PPARGC1A: variants seen among roughly 807,000 people sequenced by gnomAD.
PPARGC1A encodes the protein PPARG coactivator 1 alpha, also known as peroxisome proliferator-activated receptor gamma coactivator 1-alpha.
In PPARGC1A, 25 loss-of-function variants were observed where a neutral mutation model predicts 88.7. The ratio of observed to expected loss-of-function variants is 0.28; its 90% CI spans 0.21 to 0.39. The LOEUF (loss-of-function observed/expected upper bound fraction) is 0.39, where lower values mean the gene tolerates loss of function less well. Among genes scored for constraint, PPARGC1A ranks in the 10% least tolerant of loss-of-function variants. The probability of loss-of-function intolerance (pLI) is 1.00; values close to 1 mark genes in which losing one functional copy is unlikely to be tolerated. For synonymous variants in PPARGC1A, 363 were observed against 355.6 expected (o/e 1.02, Z -0.24); for missense variants, 880 against 968.7 (o/e 0.91, Z 1.22).
At chr4:23,903,377 T>C (rs1719646043), upstream of PPARGC1A, among the ~76,000 whole-genome samples, 1 of 152,200 alleles carries the variant, frequency 6.6e-6, no homozygotes, top group South Asian at 2.1e-4. Flanking sequence ...TTGCAGTCGG[T>C]GAAGATATTT....
chr4:24,198,702 G>A, the PPARGC1A span, among the ~76,000 whole-genome samples: 1 of 152,160 alleles, frequency 6.6e-6, no homozygotes, highest in Non-Finnish European at 1.5e-5. Context: ...TATTTGAGTT[G>A]TGGTTCAGGG....
the PPARGC1A span, among the ~76,000 whole-genome samples, chr4:24,123,921 AAAAAC>A: frequency 2.0e-5 from 3 of 151,422 alleles, no homozygotes; most frequent in African/African-American, 7.3e-5. Flanking sequence ...AAAAAAAAAA[AAAAAC>A]AAAAAAAACA....
chr4:24,380,586 A>T, the PPARGC1A span, among the ~76,000 whole-genome samples: 1 of 152,132 alleles, frequency 6.6e-6, no homozygotes, highest in Non-Finnish European at 1.5e-5. Flanking sequence ...TCTGACTTCA[A>T]CAAGCAGAGG....
chr4:23,839,333 A>G (rs1323830094), intron 2 of PPARGC1A, among the ~76,000 whole-genome samples: 1 of 152,178 alleles, frequency 6.6e-6, no homozygotes, highest in Admixed American at 6.6e-5. Flanking sequence ...GAAAGGGGAA[A>G]AAGGTTCGGG....
At chr4:24,025,239 G>A in the PPARGC1A span, among the ~76,000 whole-genome samples, 1 of 152,146 alleles carries the variant, frequency 6.6e-6, no homozygotes, top group African/African-American at 2.4e-5. Context: ...TTAACAAAAG[G>A]AGACTGGGAG....
chr4:24,288,519 T>A, the PPARGC1A span, among the ~76,000 whole-genome samples: 1 of 152,218 alleles, frequency 6.6e-6, no homozygotes, highest in African/African-American at 2.4e-5. Context: ...CTATTTCCAA[T>A]ACAAATATCT....
At chr4:23,906,476 G>T (rs548213366), upstream of PPARGC1A, among the ~76,000 whole-genome samples, 3 of 151,948 alleles carry the variant, frequency 2.0e-5, no homozygotes, top group Non-Finnish European at 4.4e-5. Flanking sequence ...AGCTGGGCAT[G>T]GTGGTGCATG....
the PPARGC1A span, among the ~76,000 whole-genome samples, chr4:24,288,747 T>C: frequency 1.3e-5 from 2 of 151,808 alleles, no homozygotes; most frequent in Non-Finnish European, 1.5e-5. Context: ...ATGGCTATTT[T>C]AAAAATCCAA....
the PPARGC1A span, among the ~76,000 whole-genome samples, chr4:24,283,489 G>A: frequency 5.9e-5 from 9 of 152,184 alleles, no homozygotes; most frequent in East Asian, 1.9e-4. Flanking sequence ...ATTTTTTTCC[G>A]GCAACTTTTA....
At chr4:24,362,410 G>C in the PPARGC1A span, among the ~76,000 whole-genome samples, 1 of 144,552 alleles carries the variant, frequency 6.9e-6, no homozygotes, top group Admixed American at 6.8e-5. Context: ...TGAGAGATCA[G>C]AGATCTACAC....
At chr4:23,852,227 G>A (rs1026077668) in intron 2 of PPARGC1A, among the ~76,000 whole-genome samples, 13 of 152,250 alleles carry the variant, frequency 8.5e-5, no homozygotes, top group South Asian at 2.1e-4. Flanking sequence ...CCAGACATAC[G>A]TTTCATTTGG....
the PPARGC1A span, among the ~76,000 whole-genome samples, chr4:23,971,110 T>C: frequency 6.6e-6 from 1 of 152,172 alleles, no homozygotes; most frequent in Non-Finnish European, 1.5e-5. Context: ...TAATTCTGAT[T>C]AATTATTGCC....
the PPARGC1A span, among the ~76,000 whole-genome samples, chr4:23,965,741 G>T: frequency 9.7e-4 from 147 of 152,242 alleles, 1 homozygote; most frequent in African/African-American, 3.1e-3. Context: ...GAACCCAGGG[G>T]TCCTGATTCC....
intron 2 of PPARGC1A, chr4:23,883,620 C>T (rs541248713): frequency 6.6e-6 from 1 of 152,124 alleles, no homozygotes; most frequent in Admixed American, 6.6e-5. Context: ...TAGGACCTAA[C>T]AATAGGTTGT....
chr4:23,906,361 C>G (rs189887438), upstream of PPARGC1A, among the ~76,000 whole-genome samples: 1 of 151,468 alleles, frequency 6.6e-6, no homozygotes, highest in Non-Finnish European at 1.5e-5. Flanking sequence ...GCCTGTAATC[C>G]CAGCACTTTG....
At chr4:24,434,478 T>C in the PPARGC1A span, among the ~76,000 whole-genome samples, 1 of 152,182 alleles carries the variant, frequency 6.6e-6, no homozygotes. Flanking sequence ...TAAAAAGCTG[T>C]TATCTTCTGG....
At chr4:24,164,265 A>G in the PPARGC1A span, among the ~76,000 whole-genome samples, 1 of 152,214 alleles carries the variant, frequency 6.6e-6, no homozygotes, top group Non-Finnish European at 1.5e-5. Flanking sequence ...CCGATGCAGA[A>G]GCAAACCCTC....
upstream of PPARGC1A, among the ~76,000 whole-genome samples, chr4:23,900,440 C>T (rs1282682988): frequency 6.6e-6 from 1 of 152,122 alleles, no homozygotes; most frequent in Admixed American, 6.5e-5. Flanking sequence ...AGCACTTCAT[C>T]TACAAAAATG....
At chr4:24,238,566 G>T in the PPARGC1A span, among the ~76,000 whole-genome samples, 9 of 152,126 alleles carry the variant, frequency 5.9e-5, no homozygotes, top group African/African-American at 2.2e-4. Flanking sequence ...CAACAGCATT[G>T]CAGCACTCCT....
Sources: gnomAD v4.1 joint callset for allele counts (sites outside exome capture counted in the v4.1 genomes callset) on GRCh38, gnomAD v4.1.1 for gene constraint, MANE v1.5 for transcripts, NCBI Gene and HGNC (gene_info 2026-07-23, HGNC 2026-07-21) for gene names.